Variants in SEMA6A observed in about 807,000 individuals in gnomAD.
SEMA6A encodes the protein semaphorin-6A.
SEMA6A carries 25 observed loss-of-function variants against 96.8 expected under a neutral mutation model. That is an observed-to-expected ratio of 0.26 (90% CI 0.19 to 0.36). The LOEUF (loss-of-function observed/expected upper bound fraction) is 0.36. SEMA6A is among the 10% of genes least tolerant of loss of function. SEMA6A has a pLI of 1.00. For synonymous variants in SEMA6A, 612 were observed against 518.0 expected (o/e 1.18, Z -2.46); for missense variants, 1,363 against 1,323.1 (o/e 1.03, Z -0.47).
chr5:116,506,252 C>T (rs1253288379), intron 1 of SEMA6A, among the ~76,000 whole-genome samples: 1 of 152,170 alleles, frequency 6.6e-6, no homozygotes, highest in African/African-American at 2.4e-5. Context: ...CTTATAATTT[C>T]ACACACACAG....
chr5:116,511,309 T>C (rs1003090925), intron 1 of SEMA6A, among the ~76,000 whole-genome samples: 3 of 152,192 alleles, frequency 2.0e-5, no homozygotes, highest in African/African-American at 7.2e-5. Context: ...AGTCTGTAGA[T>C]GTCCAGTACA....
At chr5:116,531,878 C>G (rs1759491306) in intron 1 of SEMA6A, among the ~76,000 whole-genome samples, 1 of 152,104 alleles carries the variant, frequency 6.6e-6, no homozygotes, top group Non-Finnish European at 1.5e-5. Flanking sequence ...GTCCTTCCCA[C>G]CAAGCCACTC....
chr5:116,496,793 A>G (rs1166073358), intron 4 of SEMA6A, among the ~76,000 whole-genome samples: 1 of 152,206 alleles, frequency 6.6e-6, no homozygotes, highest in African/African-American at 2.4e-5. Flanking sequence ...ATACTCCTTC[A>G]CATAGATTAA....
chr5:116,474,420 C>T (rs1259174834), intron 16 of SEMA6A, among the ~76,000 whole-genome samples: 1 of 152,122 alleles, frequency 6.6e-6, no homozygotes, highest in African/African-American at 2.4e-5. Flanking sequence ...ACACACGTAA[C>T]ATACATCTTT....
intron 1 of SEMA6A, among the ~76,000 whole-genome samples, chr5:116,567,080 G>A (rs1459296645): frequency 6.6e-6 from 1 of 152,144 alleles, no homozygotes; most frequent in Non-Finnish European, 1.5e-5. Context: ...GTTAATAAGT[G>A]ATAGCTATCA....
chr5:116,454,108 T>C (rs532219807), intron 18 of SEMA6A, among the ~76,000 whole-genome samples: 1 of 152,216 alleles, frequency 6.6e-6, no homozygotes, highest in East Asian at 1.9e-4. Context: ...GTCTCCATAG[T>C]GAAGTGATTA....
chr5:116,447,507 G>C lies in SEMA6A; in HGVS notation c.2199C>G (p.Ala733=). The C allele has an allele frequency of 6.2e-7, 1 of 1,614,086 alleles. No individual in the cohort carries two copies. The highest frequency in any genetic ancestry group is 8.5e-7 in the Non-Finnish European group (1 of 1,179,908). ...LTPLMHNGKL[A]TPGNTAKMLI... ...GCATCTTGGCCGTGTTGCCGGGAGT[G>C]GCGAGCTTGCCGTTGTGCATGAGTG... is the stretch of plus-strand genomic sequence containing the variant. The change falls in exon 19 of 19, where the codon GCC becomes GCG. Residue 733 remains alanine (A), a synonymous_variant. Coordinates refer to ENST00000343348, the MANE Select transcript of SEMA6A (RefSeq NM_020796.5).
At chr5:116,489,901 A>T (rs952070217) in intron 7 of SEMA6A, among the ~76,000 whole-genome samples, 1 of 152,228 alleles carries the variant, frequency 6.6e-6, no homozygotes, top group Non-Finnish European at 1.5e-5. Context: ...CATGGAAACA[A>T]GAATTATATT....
At chr5:116,517,093 T>C (rs1265584073) in intron 1 of SEMA6A, among the ~76,000 whole-genome samples, 2 of 152,198 alleles carry the variant, frequency 1.3e-5, no homozygotes, top group Non-Finnish European at 2.9e-5. Flanking sequence ...AAACAAACCC[T>C]GAAAACCAAA....
At chr5:116,531,596 A>C (rs1580481958) in intron 1 of SEMA6A, among the ~76,000 whole-genome samples, 1 of 152,196 alleles carries the variant, frequency 6.6e-6, no homozygotes, top group African/African-American at 2.4e-5. Flanking sequence ...TCTTCAAAGA[A>C]TACTTGGGGG....
At chr5:116,507,514 T>A (rs117816019) in intron 1 of SEMA6A, among the ~76,000 whole-genome samples, 2 of 152,300 alleles carry the variant, frequency 1.3e-5, no homozygotes, top group East Asian at 3.9e-4. Flanking sequence ...AAACCAGAAC[T>A]TAACACTGAG....
chr5:116,553,943 G>A (rs1343544916), intron 1 of SEMA6A, among the ~76,000 whole-genome samples: 1 of 152,180 alleles, frequency 6.6e-6, no homozygotes, highest in Non-Finnish European at 1.5e-5. Context: ...AATACCAATT[G>A]TGTTTTGGAA....
Position 116,486,942 on chromosome 5 carries a change from C to G in SEMA6A, c.769G>C (p.Val257Leu). The change falls in exon 10 of 19, where the codon GTT becomes CTT. Residue 257 changes from valine to leucine, a missense_variant. Coordinates refer to ENST00000343348, the MANE Select transcript of SEMA6A (RefSeq NM_020796.5). ...GATCCTCCCATATCATTCTTACAAA[C>G]CTGAGCCACTCTTGGGAAAACTACC... ...GKVVFPRVAQVCKNDMGGSQR... is the reference protein window; with the variant it reads ...GKVVFPRVAQLCKNDMGGSQR... 6.2e-7 allele frequency: 1 copy of G among 1,613,650 alleles called. No individual in the cohort carries two copies. The highest frequency in any genetic ancestry group is 1.1e-5 in the South Asian group (1 of 91,062).
intron 18 of SEMA6A, among the ~76,000 whole-genome samples, chr5:116,458,551 T>G (rs1444930940): frequency 6.6e-6 from 1 of 152,158 alleles, no homozygotes; most frequent in African/African-American, 2.4e-5. Flanking sequence ...GTTGGCGTTT[T>G]AAAAGCAAAA....
chr5:116,532,678 C>T (rs142371874), intron 1 of SEMA6A, among the ~76,000 whole-genome samples: 2,337 of 152,218 alleles, frequency 0.015, 27 homozygotes, highest in Middle Eastern at 0.031. Flanking sequence ...CATCTTGTAA[C>T]ACATGCTGAC....
chr5:116,519,027 T>G (rs1160518054), intron 1 of SEMA6A, among the ~76,000 whole-genome samples: 1 of 152,154 alleles, frequency 6.6e-6, no homozygotes, highest in Non-Finnish European at 1.5e-5. Context: ...TTCTAAAATG[T>G]TATGCAAGAA....
At chr5:116,452,980 C>T (rs1289804197) in intron 18 of SEMA6A, among the ~76,000 whole-genome samples, 2 of 152,242 alleles carry the variant, frequency 1.3e-5, no homozygotes, top group African/African-American at 4.8e-5. Context: ...GTGGCTATGT[C>T]ATGAGTTACA....
intron 1 of SEMA6A, among the ~76,000 whole-genome samples, chr5:116,520,255 CTTTTTTTT>C (rs60534452): frequency 7.4e-6 from 1 of 135,378 alleles, no homozygotes; most frequent in Non-Finnish European, 1.6e-5. Flanking sequence ...CAGCCTGATG[CTTTTTTTT>C]TTTTTTTTCA....
intron 3 of SEMA6A, among the ~76,000 whole-genome samples, chr5:116,499,934 A>T (rs1757793276): frequency 1.3e-5 from 2 of 152,190 alleles, no homozygotes; most frequent in South Asian, 4.1e-4. Context: ...GCAGTCTGTT[A>T]TACCATTTTT....
Sources: allele counts gnomAD v4.1 joint callset (sites outside exome capture counted in the v4.1 genomes callset), GRCh38; gene constraint gnomAD v4.1.1; transcripts MANE v1.5; gene names NCBI Gene and HGNC (gene_info 2026-07-23, HGNC 2026-07-21).